LPIN1: variants seen among roughly 807,000 people sequenced by gnomAD.
LPIN1 encodes phosphatidate phosphatase LPIN1.
In LPIN1, 71 loss-of-function variants were observed where a neutral mutation model predicts 107.5. The observed-to-expected ratio is 0.66, with a 90% CI of 0.55 to 0.80. The LOEUF is 0.80. LPIN1 is among the 30% of genes least tolerant of loss of function. The pLI is 0.00. For missense variants in LPIN1, 1,043 were observed against 1,160.6 expected (o/e 0.90, Z 1.47); for synonymous variants, 445 against 452.6 (o/e 0.98, Z 0.21).
At chr2:11,735,707 T>C (rs1665730460) in intron 1 of LPIN1, among the ~76,000 whole-genome samples, 1 of 152,250 alleles carries the variant, frequency 6.6e-6, no homozygotes, top group African/African-American at 2.4e-5. Flanking sequence ...TGTGTTAGGC[T>C]CTAGGCAACA....
chr2:11,791,954 A>T lies in LPIN1; in HGVS notation c.1754A>T (p.Lys585Met), dbSNP rs762124849. Residue 585 changes from lysine to methionine, a missense_variant, in exon 13 of 21, where the codon AAG becomes ATG. Lys to Met is a moderately conservative substitution (Grantham distance 95). Coordinates refer to ENST00000674199, the MANE Select transcript of LPIN1 (RefSeq NM_001349206.2). ...ESIMRDKMPK[K>M]GGRWWFSWRG... ...ATCATGAGGGATAAAATGCCCAAAA[A>T]GGGAGGAAGATGGTGGTTTTCATGG... 1.1e-5 allele frequency: 17 copies of T among 1,613,780 alleles called. No individual in the cohort carries two copies. In the Admixed American group the frequency reaches 2.7e-4, roughly 25 times the overall value.
chr2:11,789,093 C>A (rs1675184768), intron 12 of LPIN1, among the ~76,000 whole-genome samples: 1 of 152,216 alleles, frequency 6.6e-6, no homozygotes, highest in African/African-American at 2.4e-5. Context: ...GATCTTCCTG[C>A]TAGATTATAC....
intron 1 of LPIN1, chr2:11,741,109 A>G: frequency 2.7e-6 from 1 of 365,952 alleles, no homozygotes; most frequent in East Asian, 4.5e-5. Context: ...CGGCCTTCAC[A>G]GCAGCACAAA....
At chr2:11,788,646 C>T (rs1238490257) in intron 12 of LPIN1, among the ~76,000 whole-genome samples, 190 bp downstream of exon 12, 1 of 152,218 alleles carries the variant, frequency 6.6e-6, no homozygotes, top group Non-Finnish European at 1.5e-5. Flanking sequence ...TGCCCCTCTT[C>T]CTTATCAAGG....
chr2:11,763,831 G>A (rs535419666), intron 1 of LPIN1, among the ~76,000 whole-genome samples: 3 of 139,912 alleles, frequency 2.1e-5, no homozygotes, highest in South Asian at 2.2e-4. Flanking sequence ...CCACCTTGTC[G>A]TCTGACATCT....
intron 1 of LPIN1, among the ~76,000 whole-genome samples, chr2:11,698,396 C>T (rs994675095): frequency 6.6e-6 from 1 of 152,220 alleles, no homozygotes; most frequent in East Asian, 1.9e-4. Flanking sequence ...CTGGCTGCCA[C>T]GTCCTACGCC....
At chr2:11,798,093 G>C (rs538454661) in intron 14 of LPIN1, among the ~76,000 whole-genome samples, 76 of 152,178 alleles carry the variant, frequency 5.0e-4, no homozygotes, top group Non-Finnish European at 9.4e-4. Flanking sequence ...ACTCCGTCCT[G>C]CTGCCCTGTG....
At chr2:11,773,486 T>C (rs1289124160) in intron 4 of LPIN1, 134 bp from the exon 5 acceptor site, 2 of 770,186 alleles carry the variant, frequency 2.6e-6, no homozygotes, top group Non-Finnish European at 4.4e-6. Context: ...CTCCACTGCC[T>C]GGAACAGATC....
rs73189061 is a variant in LPIN1 at position 11,820,983 on chromosome 2, C to T, written c.2621+469C>T. ...TGGTCAAAGCCCAGTTTTTCTGAGT[C>T]GGTGGGCTAAATGGGATTACTCTTT... is the stretch of plus-strand genomic sequence containing the variant. On this transcript the variant is annotated intron_variant, in intron 20 of 20. Transcript: ENST00000674199. 2.6e-3 allele frequency among the ~76,000 whole-genome samples: 395 copies of T among 152,278 alleles called. 1 individual carries two copies. Among genetic ancestry groups the T allele is most frequent in the African/African-American group, 9.0e-3 (372 of 41,552 alleles).
Position 11,803,088 on chromosome 2 carries a change from A to G in LPIN1, c.2013+55A>G. ...TTGTGAGCACATGAGGTTTCTGCAGACTCCTAAGGCTGTGTGATGGTTGGG... is the reference window on the plus strand; with the variant it reads ...TTGTGAGCACATGAGGTTTCTGCAGGCTCCTAAGGCTGTGTGATGGTTGGG... On this transcript the variant is annotated intron_variant, in intron 15 of 20. Transcript: ENST00000674199. The surrounding 1 kb of genome is among the most constrained non-coding windows in gnomAD (Gnocchi z 4.2). The G allele has an allele frequency of 6.2e-7, 1 of 1,608,460 alleles. No homozygotes were observed. Among genetic ancestry groups the G allele is most frequent in the East Asian group, 2.2e-5 (1 of 44,842 alleles).
rs13012741 is a variant in LPIN1, at chr2:11,765,152, G to A, written c.-9-381G>A. 5.3e-5 allele frequency among the ~76,000 whole-genome samples: 8 copies of A among 150,850 alleles called. No individual in the cohort carries two copies. Among genetic ancestry groups the A allele is most frequent in the Non-Finnish European group, 1.0e-4 (7 of 67,652 alleles). Reference sequence around the variant, plus strand: ...GGGCCGTAATGGGCCATGATGGACCGTGATGGGCCGTAACGGGCCGTGATG... The same window carrying A: ...GGGCCGTAATGGGCCATGATGGACCATGATGGGCCGTAACGGGCCGTGATG... On this transcript the variant is annotated intron_variant, in intron 1 of 20. Transcript: ENST00000674199. The surrounding 1 kb of genome is among the most constrained non-coding windows in gnomAD (Gnocchi z 4.4).
chr2:11,795,529 G>T, intron 14 of LPIN1, 42 bp downstream of exon 14: 1 of 1,549,556 alleles, frequency 6.5e-7, no homozygotes, highest in Non-Finnish European at 8.9e-7. Context: ...GCCCCTTTCC[G>T]CATCCAAGTT....
In LPIN1 at chr2:11,707,557, C is replaced by T. The variant is rs1369509224; in HGVS notation, c.82-6199C>T. On this transcript the variant is annotated intron_variant, in intron 1 of 21. Transcript: ENST00000449576. This position sits in a 1 kb window ranked among gnomAD's most constrained non-coding sequence, Gnocchi z 4.2. ...CCTGTGGCTGCTGTGAGGAGCAGAG[C>T]TGATGAGGAGCAGAAACAGACTGGC... 1.3e-5 allele frequency among the ~76,000 whole-genome samples: 2 copies of T among 152,166 alleles called. No individual in the cohort carries two copies. The highest frequency in any genetic ancestry group is 2.4e-5 in the African/African-American group (1 of 41,442).
At chr2:11,703,535 GA>G (rs1365284484) in intron 1 of LPIN1, among the ~76,000 whole-genome samples, 2 of 152,140 alleles carry the variant, frequency 1.3e-5, no homozygotes, top group Non-Finnish European at 2.9e-5. Context: ...AAAGCAATAG[GA>G]TTAGATTTTA....
intron 1 of LPIN1, among the ~76,000 whole-genome samples, chr2:11,759,158 T>TTTC (rs1669188901): frequency 6.7e-6 from 1 of 149,932 alleles, no homozygotes; most frequent in Non-Finnish European, 1.5e-5. Context: ...TCTTTCTTTC[T>TTTC]TTCTTTCTTT....
chr2:11,799,535 A>T (rs1677318294), intron 14 of LPIN1, among the ~76,000 whole-genome samples: 1 of 151,574 alleles, frequency 6.6e-6, no homozygotes, highest in Non-Finnish European at 1.5e-5. Context: ...CATTTACCCC[A>T]TCTGAAAACC....
chr2:11,792,646 G>A (rs1675977693), intron 13 of LPIN1, among the ~76,000 whole-genome samples: 1 of 152,214 alleles, frequency 6.6e-6, no homozygotes, highest in African/African-American at 2.4e-5. Context: ...GCCTCCGAAA[G>A]TGTTGGCATT....
At chr2:11,808,509 T>C (rs1383931413) in intron 17 of LPIN1, among the ~76,000 whole-genome samples, 1 of 152,224 alleles carries the variant, frequency 6.6e-6, no homozygotes, top group Admixed American at 6.5e-5. Context: ...TGTGGACTTT[T>C]TCCTGATTTT....
At chr2:11,683,425 A>C (rs1237717089) in intron 1 of LPIN1, 2 of 152,336 alleles carry the variant, frequency 1.3e-5, no homozygotes, top group Non-Finnish European at 2.9e-5. Context: ...GGTATACTTG[A>C]AATGATGACT....
Sources: gnomAD v4.1 joint callset for allele counts (sites outside exome capture counted in the v4.1 genomes callset) on GRCh38, gnomAD v4.1.1 for gene constraint, Gnocchi (gnomAD v3.1) non-coding constraint, MANE v1.5 for transcripts, NCBI Gene and HGNC (gene_info 2026-07-23, HGNC 2026-07-21) for gene names.